Variants in KIFC3 observed in about 807,000 individuals in gnomAD.
KIFC3 encodes kinesin family member C3, also known as kinesin-like protein KIFC3.
In KIFC3, 60 loss-of-function variants were observed where a neutral mutation model predicts 101.8. The observed-to-expected ratio is 0.59, with a 90% CI of 0.48 to 0.73. The LOEUF is 0.73. Ranked by LOEUF, KIFC3 falls within the 30% of genes least tolerant of loss-of-function variation. KIFC3 has a pLI of 0.00. For missense variants in KIFC3, 966 were observed against 1,137.1 expected (o/e 0.85, Z 2.16); for synonymous variants, 476 against 482.7 (o/e 0.99, Z 0.18).
At position 57,817,480 on chromosome 16, in the gene KIFC3, T is replaced by C. The variant is rs191602063; in HGVS notation, c.109-19198A>G. ...TGGGGCCACACTCCTCCTGAAGGCC[T>C]AGGAGAGAATCCTTCTTTTCCTCTT... On this transcript the variant is annotated intron_variant, in intron 1 of 2. Coordinates refer to the KIFC3 transcript ENST00000563028. Among the ~76,000 whole-genome samples the C allele has an allele frequency of 1.5e-4, 23 of 152,306 alleles. No homozygotes were observed. The East Asian group carries it at 4.2e-3, about 28-fold the overall frequency.
At chr16:57,817,361 CAG>C (rs2055251819) in intron 1 of KIFC3, among the ~76,000 whole-genome samples, 2 of 138,824 alleles carry the variant, frequency 1.4e-5, no homozygotes, top group Non-Finnish European at 3.1e-5. Flanking sequence ...TCTGTCTCAA[CAG>C]AAAAAAAAAA....
At chr16:57,766,209 G>A (rs781963411) in intron 10 of KIFC3, among the ~76,000 whole-genome samples, 4 of 152,190 alleles carry the variant, frequency 2.6e-5, no homozygotes, top group Non-Finnish European at 5.9e-5. Context: ...GGAATGAAGA[G>A]GAAACACCCC....
chr16:57,814,014 A>G (rs2055158123), intron 1 of KIFC3: 1 of 273,860 alleles, frequency 3.7e-6, no homozygotes, highest in Non-Finnish European at 5.6e-6. Flanking sequence ...TGCAGAGTCC[A>G]AGTCTTGAAC....
At chr16:57,795,220 C>G in intron 2 of KIFC3, 79 bp from the exon 3 acceptor site, 1 of 1,510,146 alleles carries the variant, frequency 6.6e-7, no homozygotes, top group Admixed American at 2.1e-5. Flanking sequence ...TGGCCAGGGC[C>G]GCAGCTGAGC....
intron 1 of KIFC3, among the ~76,000 whole-genome samples, chr16:57,800,723 C>T (rs782481431): frequency 6.6e-6 from 1 of 152,082 alleles, no homozygotes; most frequent in African/African-American, 2.4e-5. Context: ...TGCTAGATCC[C>T]GAAGAGGAAA....
intron 1 of KIFC3, among the ~76,000 whole-genome samples, chr16:57,830,325 C>G (rs1196846092): frequency 6.6e-6 from 1 of 151,056 alleles, no homozygotes; most frequent in African/African-American, 2.4e-5. Flanking sequence ...GCAGCCTCCC[C>G]CTCCCGGGTT....
intron 1 of KIFC3, chr16:57,810,544 A>G: frequency 6.4e-6 from 3 of 468,462 alleles, no homozygotes; most frequent in Non-Finnish European, 8.4e-6. Flanking sequence ...ACCGAGAGGA[A>G]GCAGCAAGGA....
intron 1 of KIFC3, among the ~76,000 whole-genome samples, chr16:57,853,317 G>T (rs990760667): frequency 3.3e-5 from 5 of 152,012 alleles, no homozygotes; most frequent in Admixed American, 1.3e-4. Flanking sequence ...TACCTGGACG[G>T]CTGGGGCAGG....
At chr16:57,856,141 T>C (rs1298880729) in intron 1 of KIFC3, among the ~76,000 whole-genome samples, 3 of 149,952 alleles carry the variant, frequency 2.0e-5, no homozygotes, top group Admixed American at 6.7e-5. Flanking sequence ...CTGGGCAACA[T>C]AGCAAGACCC....
rs1256119124 is a variant in KIFC3 at position 57,815,338 on chromosome 16, G to T, written c.109-17056C>A. On this transcript the variant is annotated intron_variant, in intron 1 of 2. Transcript: ENST00000563028. ...CTCATTTGTAACCAGAGTAGCTCCG[G>T]GTTGCTTCTGTTAGCTCAAGGCCAC... The T allele has an allele frequency of 3.8e-6, 3 of 784,120 alleles. No homozygotes were observed. The East Asian group carries it at 2.9e-4, about 77-fold the overall frequency. The allele number at this position is 784,120 out of a possible 1,614,324, so 48.6% of individuals were successfully genotyped here.
chr16:57,834,787 G>T (rs1470869836), intron 1 of KIFC3, among the ~76,000 whole-genome samples: 5 of 152,212 alleles, frequency 3.3e-5, no homozygotes, highest in Admixed American at 6.5e-5. Context: ...AAAGTGTTGG[G>T]ATTACAGGCA....
chr16:57,847,193 GGGAAGGAAGGAAGGAAGGAAGGAA>G (rs1162178513), intron 1 of KIFC3, among the ~76,000 whole-genome samples: 88 of 46,164 alleles, frequency 1.9e-3, no homozygotes, highest in Non-Finnish European at 2.3e-3. Context: ...GAAGGAAGGA[GGGAAGGAAGGAAGGAAGGAAGGAA>G]GGAAGGAAGG....
chr16:57,767,585 C>G (rs1218696339), intron 9 of KIFC3, among the ~76,000 whole-genome samples: 1 of 152,158 alleles, frequency 6.6e-6, no homozygotes, highest in Non-Finnish European at 1.5e-5. Context: ...TGCTCAAGCC[C>G]CTGATATAAA....
intron 3 of KIFC3, among the ~76,000 whole-genome samples, chr16:57,774,464 A>C (rs984084289): frequency 1.3e-5 from 2 of 152,286 alleles, no homozygotes; most frequent in East Asian, 3.9e-4. Flanking sequence ...ACAGCACTAA[A>C]AAGTGGGGGT....
At chr16:57,801,137 G>C (rs886629514) in intron 1 of KIFC3, among the ~76,000 whole-genome samples, 1 of 152,182 alleles carries the variant, frequency 6.6e-6, no homozygotes, top group Admixed American at 6.5e-5. Context: ...GAATGCAGAG[G>C]GCCTGGCTGG....
chr16:57,824,647 C>T (rs1555630484), intron 1 of KIFC3, among the ~76,000 whole-genome samples: 1 of 152,166 alleles, frequency 6.6e-6, no homozygotes, highest in Non-Finnish European at 1.5e-5. Context: ...GGTGCCCCTG[C>T]ACTCCACCCT....
chr16:57,816,590 G>A, intron 1 of KIFC3: 1 of 456,744 alleles, frequency 2.2e-6, no homozygotes, highest in Non-Finnish European at 4.4e-6. Flanking sequence ...GTTGTTGCCA[G>A]ACAGGTTCCT....
intron 1 of KIFC3, among the ~76,000 whole-genome samples, chr16:57,856,485 A>C (rs1390354849): frequency 7.5e-6 from 1 of 133,436 alleles, no homozygotes; most frequent in Admixed American, 7.6e-5. Flanking sequence ...GGAAGGAAAG[A>C]AGGGAGGGAG....
At chr16:57,835,741 G>A (rs2055672421) in intron 1 of KIFC3, among the ~76,000 whole-genome samples, 1 of 152,114 alleles carries the variant, frequency 6.6e-6, no homozygotes, top group African/African-American at 2.4e-5. Context: ...CTTGAGGTCA[G>A]GAGTTCAAGA....
Sources: gnomAD v4.1 joint callset for allele counts (sites outside exome capture counted in the v4.1 genomes callset) on GRCh38, gnomAD v4.1.1 for gene constraint, MANE v1.5 for transcripts, NCBI Gene and HGNC (gene_info 2026-07-23, HGNC 2026-07-21) for gene names.